Variants in ANKRD17 observed in about 807,000 individuals in gnomAD.
ANKRD17 encodes ankyrin repeat domain 17, also known as ankyrin repeat domain-containing protein 17.
In ANKRD17, 19 loss-of-function variants were observed where a neutral mutation model predicts 229.7. The ratio of observed to expected loss-of-function variants is 0.08; its 90% confidence interval spans 0.06 to 0.12. The LOEUF is 0.12. Among genes scored for constraint, ANKRD17 ranks in the 10% least tolerant of loss-of-function variants. The pLI is 1.00. For missense variants in ANKRD17, 2,176 were observed against 3,176.8 expected (o/e 0.68, Z 7.57); for synonymous variants, 1,112 against 1,146.1 (o/e 0.97, Z 0.60).
At chr4:73,174,504 T>A (rs1734474138) in intron 2 of ANKRD17, among the ~76,000 whole-genome samples, 2 of 151,992 alleles carry the variant, frequency 1.3e-5, no homozygotes, top group Admixed American at 6.6e-5. Context: ...GTTGAAAGCA[T>A]CCCCCCAAGA....
Position 73,193,906 on chromosome 4 carries a change from TGGG to T in ANKRD17, c.394-16376_394-16374del, listed in dbSNP as rs1737479524. 7.2e-5 allele frequency among the ~76,000 whole-genome samples: 11 copies of T among 152,302 alleles called. No individual in the cohort carries two copies. In the South Asian group the frequency reaches 2.3e-3, roughly 32 times the overall value. On this transcript the variant is annotated intron_variant, in intron 1 of 33. Coordinates refer to ENST00000358602, the MANE Select transcript of ANKRD17 (RefSeq NM_032217.5). ...ATGATTGCGACACTGCACTCTAGCC[TGGG>T]TGACAGAGTGAAACCTTGTCTCAAA... is the stretch of plus-strand genomic sequence containing the variant.
At chr4:73,076,480 C>G (rs1445485660) in intron 33 of ANKRD17, among the ~76,000 whole-genome samples, 190 bp from the exon 34 acceptor site, 1 of 151,518 alleles carries the variant, frequency 6.6e-6, no homozygotes, top group Non-Finnish European at 1.5e-5. Context: ...TGATTTACAA[C>G]CTTTAAAAAA....
intron 1 of ANKRD17, among the ~76,000 whole-genome samples, chr4:73,221,017 A>T (rs993305041): frequency 6.6e-6 from 1 of 152,172 alleles, no homozygotes; most frequent in African/African-American, 2.4e-5. Context: ...CTGCAAAGTT[A>T]GCAAATTTAT....
rs777842110 is a variant in ANKRD17, at chr4:73,091,811, G to C, written c.5817C>G (p.Asn1939Lys). The change falls in exon 29 of 34, where the codon AAC becomes AAG. Residue 1939 changes from asparagine to lysine, a missense_variant. Physicochemically the swap from Asn to Lys is moderately conservative, Grantham distance 94. Coordinates refer to ENST00000358602, the MANE Select transcript of ANKRD17 (RefSeq NM_032217.5). ...GAGGCACCATGTGAGGCTTAGGCGA[G>C]TTAGTAGCTCTGGCAGGGCTCAAAG... ...VRPLSPARAT[N>K]SPKPHMVPRH... 13 of 1,614,070 alleles carry C rather than the reference G, an allele frequency of 8.1e-6. No individual in the cohort carries two copies. Among genetic ancestry groups the C allele is most frequent in the African/African-American group, 2.7e-5 (2 of 74,924 alleles).
chr4:73,161,586 G>A (rs1046942461), intron 2 of ANKRD17, among the ~76,000 whole-genome samples: 17 of 152,308 alleles, frequency 1.1e-4, no homozygotes, highest in African/African-American at 4.1e-4. Context: ...TGCCAGAAAC[G>A]GGTCTTTGGC....
chr4:73,200,518 A>AT (rs928628212), intron 1 of ANKRD17, among the ~76,000 whole-genome samples: 2 of 152,100 alleles, frequency 1.3e-5, no homozygotes, highest in South Asian at 2.1e-4. Flanking sequence ...GGGCATAGGG[A>AT]TTTTTTATAG....
chr4:73,258,785 C>A lies in ANKRD17; in HGVS notation c.-117G>T. 1 of 1,238,206 alleles carries A rather than the reference C, an allele frequency of 8.1e-7. No individual in the cohort carries two copies. Among genetic ancestry groups the A allele is most frequent in the Non-Finnish European group, 1.0e-6 (1 of 986,714 alleles). The allele number at this position is 1,238,206 out of a possible 1,614,324, so 76.7% of individuals were successfully genotyped here. On this transcript the variant is annotated 5_prime_UTR_variant, in exon 1 of 34. Transcript: ENST00000358602. ...GGTGCCGCCTCCGCCGCCACCGCCT[C>A]GGTCACCTCTACTGCCGCCGCCGCC...
At chr4:73,162,484 C>T (rs1331466997) in intron 2 of ANKRD17, among the ~76,000 whole-genome samples, 1 of 152,066 alleles carries the variant, frequency 6.6e-6, no homozygotes, top group Admixed American at 6.6e-5. Flanking sequence ...GTGTAAACTA[C>T]TTCATCGGGC....
chr4:73,155,534 G>T, intron 5 of ANKRD17, 97 bp downstream of exon 5: 2 of 1,370,378 alleles, frequency 1.5e-6, no homozygotes, highest in African/African-American at 1.4e-5. Context: ...TCTAATAAGA[G>T]AACTGAAAAA....
intron 1 of ANKRD17, among the ~76,000 whole-genome samples, chr4:73,257,480 T>C (rs1339410150): frequency 6.6e-6 from 1 of 152,202 alleles, no homozygotes; most frequent in East Asian, 1.9e-4. Flanking sequence ...CTGTCCCATA[T>C]TACGGGACAA....
In ANKRD17 at chr4:73,074,219, A is replaced by G. The variant is rs1260662653; in HGVS notation, c.*2012T>C. On this transcript the variant is annotated 3_prime_UTR_variant, in exon 34 of 34. Transcript: ENST00000358602. ...TTAAATAAAATACCTCACCTAAGAA[A>G]TTCAGTATTGTGAAACAACACAACT... is the stretch of plus-strand genomic sequence containing the variant. 6.6e-6 allele frequency: 1 copy of G among 151,938 alleles called. No individual in the cohort carries two copies. The highest frequency in any genetic ancestry group is 1.5e-5 in the Non-Finnish European group (1 of 67,858). 9.4% of individuals were successfully genotyped at this position (151,938 alleles called of 1,614,324 possible).
At chr4:73,251,366 C>T (rs1745005785) in intron 1 of ANKRD17, among the ~76,000 whole-genome samples, 1 of 151,888 alleles carries the variant, frequency 6.6e-6, no homozygotes, top group South Asian at 2.1e-4. Flanking sequence ...TTTCTAAAGA[C>T]AAAAAAATGT....
At chr4:73,248,841 T>C (rs1307875952) in intron 1 of ANKRD17, among the ~76,000 whole-genome samples, 1 of 152,006 alleles carries the variant, frequency 6.6e-6, no homozygotes, top group Non-Finnish European at 1.5e-5. Flanking sequence ...AATAAATGTT[T>C]GTCAGGTAAA....
At chr4:73,163,368 T>G (rs1362632192) in intron 2 of ANKRD17, among the ~76,000 whole-genome samples, 2 of 152,214 alleles carry the variant, frequency 1.3e-5, no homozygotes, top group Non-Finnish European at 2.9e-5. Context: ...ATAGAAGCAC[T>G]GCTATCGCTT....
rs1338214053 is a variant in ANKRD17 at position 73,098,433 on chromosome 4, G to A, written c.4661C>T (p.Ser1554Phe). 6.2e-7 allele frequency: 1 copy of A among 1,614,124 alleles called. No individual in the cohort carries two copies. The highest frequency in any genetic ancestry group is 8.5e-7 in the Non-Finnish European group (1 of 1,180,024). The change falls in exon 26 of 34, where the codon TCT becomes TTT. Residue 1554 changes from serine to phenylalanine, a missense_variant. Around this residue, in one of 18 missense-constraint regions of ANKRD17, gnomAD observed 105 missense variants for 118.3 expected, o/e 0.89. Coordinates refer to ENST00000358602, the MANE Select transcript of ANKRD17 (RefSeq NM_032217.5). Reference sequence around the variant, plus strand: ...TATGGTATTATTTCTTTTACCATGAGAACCTGCCAAAGTTGTCCAGGTTGC... The same window carrying A: ...TATGGTATTATTTCTTTTACCATGAAAACCTGCCAAAGTTGTCCAGGTTGC... ...ISATWTTLAG[S>F]HGKRNNTITT...
chr4:73,151,398 T>C (rs1438295972), intron 7 of ANKRD17, 32 bp downstream of exon 7: 3 of 1,594,364 alleles, frequency 1.9e-6, no homozygotes, highest in South Asian at 1.1e-5. Flanking sequence ...GGTTAATATA[T>C]AAACATATTT....
At chr4:73,181,313 G>A (rs185490142) in intron 1 of ANKRD17, among the ~76,000 whole-genome samples, 7 of 152,284 alleles carry the variant, frequency 4.6e-5, no homozygotes, top group Non-Finnish European at 1.0e-4. Flanking sequence ...GCCTTGCTAT[G>A]TAGGACCCTA....
At chr4:73,112,709 A>G in intron 24 of ANKRD17, 2 of 768,054 alleles carry the variant, frequency 2.6e-6, no homozygotes, top group Non-Finnish European at 3.2e-6. Flanking sequence ...AAAAACGCAT[A>G]TGCATAATTA....
At chr4:73,158,282 C>A (rs1285108301) in intron 3 of ANKRD17, among the ~76,000 whole-genome samples, 1 of 152,338 alleles carries the variant, frequency 6.6e-6, no homozygotes, top group South Asian at 2.1e-4. Context: ...AAGCTGAAAT[C>A]CTTACAAGAT....
Sources: gnomAD v4.1 joint callset for allele counts (sites outside exome capture counted in the v4.1 genomes callset) on GRCh38, gnomAD v4.1.1 for gene constraint, gnomAD v4.1.1 regional missense constraint, MANE v1.5 for transcripts, NCBI Gene and HGNC (gene_info 2026-07-23, HGNC 2026-07-21) for gene names.